Variants in RYR2 observed in about 807,000 individuals in gnomAD.
The protein encoded by RYR2 is ryanodine receptor 2.
RYR2 carries 227 observed loss-of-function variants against 601.1 expected under a neutral mutation model. The ratio of observed to expected loss-of-function variants is 0.38; its 90% confidence interval spans 0.34 to 0.42. RYR2 has a LOEUF of 0.42. Ranked by LOEUF, RYR2 falls within the 10% of genes least tolerant of loss-of-function variation. The pLI, the probability that RYR2 is intolerant of heterozygous loss-of-function variation, is 1.00. For missense variants in RYR2, 4,646 were observed against 6,156.5 expected, an observed-to-expected ratio of 0.75 and a Z score of 8.21; for synonymous variants, 2,223 against 2,175.1, an observed-to-expected ratio of 1.02 and a Z score of -0.61.
At chr1:237,795,488 G>A (rs1381737741) in intron 96 of RYR2, among the ~76,000 whole-genome samples, 157 bp downstream of exon 96, 8 of 150,162 alleles carry the variant, frequency 5.3e-5, no homozygotes, top group East Asian at 2.0e-4. Flanking sequence ...GTCTCACTCC[G>A]TCACCCAGGC....
At chr1:237,530,534 T>G (rs568220458) in intron 25 of RYR2, 24 bp downstream of exon 25, 1 of 1,510,900 alleles carries the variant, frequency 6.6e-7, no homozygotes, top group South Asian at 1.2e-5. Context: ...CTAAGCAATA[T>G]TAAATAATCT....
chr1:237,432,109 T>A (rs867858642), intron 12 of RYR2, among the ~76,000 whole-genome samples: 24 of 151,358 alleles, frequency 1.6e-4, no homozygotes, highest in South Asian at 2.1e-4. Flanking sequence ...CTTTTTTTTT[T>A]ATTCATTTCT....
At chr1:237,148,558 A>ACC (rs1674336018) in intron 1 of RYR2, among the ~76,000 whole-genome samples, 1 of 125,992 alleles carries the variant, frequency 7.9e-6, no homozygotes, top group Non-Finnish European at 1.7e-5. Flanking sequence ...ATATATACAC[A>ACC]CACACATATA....
chr1:237,044,956 CTTT>C (rs4006366), intron 1 of RYR2, among the ~76,000 whole-genome samples: 90 of 144,614 alleles, frequency 6.2e-4, no homozygotes, highest in Non-Finnish European at 7.7e-4. Flanking sequence ...TCTTCTTCTT[CTTT>C]TTTTTTTTTT....
At chr1:237,254,132 C>A (rs1036130570) in intron 1 of RYR2, among the ~76,000 whole-genome samples, 2 of 152,136 alleles carry the variant, frequency 1.3e-5, no homozygotes, top group African/African-American at 4.8e-5. Flanking sequence ...TACCATGCCC[C>A]ATGTTTTTGC....
intron 48 of RYR2, among the ~76,000 whole-genome samples, chr1:237,644,711 C>T (rs1328256446): frequency 2.0e-5 from 3 of 152,012 alleles, no homozygotes; most frequent in African/African-American, 7.2e-5. Flanking sequence ...AAATCATTTA[C>T]ATGAAAGACT....
intron 1 of RYR2, among the ~76,000 whole-genome samples, chr1:237,263,854 C>T (rs1315343312): frequency 6.6e-6 from 1 of 151,964 alleles, no homozygotes; most frequent in African/African-American, 2.4e-5. Context: ...ACAGAACTTG[C>T]ATTCTAGTGG....
intron 53 of RYR2, among the ~76,000 whole-genome samples, chr1:237,657,139 T>G (rs542890287): frequency 6.6e-6 from 1 of 152,284 alleles, no homozygotes; most frequent in Non-Finnish European, 1.5e-5. Flanking sequence ...CAGATACAGG[T>G]TTATGTGGTG....
At chr1:237,813,105 A>G (rs1661425563) in intron 100 of RYR2, among the ~76,000 whole-genome samples, 1 of 152,048 alleles carries the variant, frequency 6.6e-6, no homozygotes, top group African/African-American at 2.4e-5. Flanking sequence ...CTTTAATATC[A>G]GCTGTGCTCA....
chr1:237,482,682 C>T (rs1434147594), intron 17 of RYR2, among the ~76,000 whole-genome samples: 2 of 152,086 alleles, frequency 1.3e-5, no homozygotes, highest in Non-Finnish European at 2.9e-5. Context: ...GATATCTCTT[C>T]GGTATACTGA....
At chr1:237,084,008 T>C (rs1277890283) in intron 1 of RYR2, among the ~76,000 whole-genome samples, 1 of 152,122 alleles carries the variant, frequency 6.6e-6, no homozygotes, top group Non-Finnish European at 1.5e-5. Context: ...GAGTGATTAT[T>C]TTATGACCCA....
chr1:237,563,398 C>A (rs1277686074), intron 27 of RYR2, among the ~76,000 whole-genome samples: 58 of 98,214 alleles, frequency 5.9e-4, no homozygotes, highest in African/African-American at 1.7e-3. Context: ...GCAACAAGAG[C>A]AAAACTCCAT....
intron 1 of RYR2, among the ~76,000 whole-genome samples, chr1:237,191,376 T>G (rs1679950050): frequency 6.6e-6 from 1 of 151,972 alleles, no homozygotes; most frequent in Non-Finnish European, 1.5e-5. Context: ...CAATATTTTT[T>G]GGCTATTTGG....
chr1:237,434,941 A>C (rs1285435976), intron 12 of RYR2, among the ~76,000 whole-genome samples: 1 of 151,972 alleles, frequency 6.6e-6, no homozygotes, highest in East Asian at 1.9e-4. Flanking sequence ...ACACCCAGCA[A>C]ATTTTTGTAG....
In RYR2 at chr1:237,487,338, C is replaced by T. The variant is rs139926382; in HGVS notation, c.1709-4468C>T. Among the ~76,000 whole-genome samples, 29 of 151,984 alleles carry T rather than the reference C, an allele frequency of 1.9e-4. No individual in the cohort carries two copies. In the East Asian group the frequency reaches 5.6e-3, roughly 29 times the overall value. On this transcript the variant is annotated intron_variant, in intron 17 of 104. Transcript: ENST00000366574. ...TCCTTTTTTTATTTAAAAATGGACTCTTTGGTGTTTCTCATTTGTTGTCCT... is the reference window on the plus strand; with the variant it reads ...TCCTTTTTTTATTTAAAAATGGACTTTTTGGTGTTTCTCATTTGTTGTCCT...
At chr1:237,382,499 T>C (rs2149816087) in intron 8 of RYR2, among the ~76,000 whole-genome samples, 1 of 151,432 alleles carries the variant, frequency 6.6e-6, no homozygotes, top group Non-Finnish European at 1.5e-5. Flanking sequence ...TTACATTACG[T>C]ATATCTCCTA....
At chr1:237,655,150 A>G (rs1409404589) in intron 52 of RYR2, among the ~76,000 whole-genome samples, 2 of 152,186 alleles carry the variant, frequency 1.3e-5, no homozygotes, top group Non-Finnish European at 2.9e-5. Flanking sequence ...CCTTTGGTAA[A>G]CTGAGTCCTT....
intron 1 of RYR2, among the ~76,000 whole-genome samples, chr1:237,264,786 C>A (rs950919153): frequency 4.6e-5 from 7 of 151,460 alleles, no homozygotes; most frequent in African/African-American, 1.7e-4. Flanking sequence ...ACCTCCATCT[C>A]CCGGGTTCAA....
intron 1 of RYR2, among the ~76,000 whole-genome samples, chr1:237,075,227 A>G (rs185275570): frequency 1.3e-5 from 2 of 152,226 alleles, no homozygotes; most frequent in East Asian, 3.9e-4. Context: ...TAGAGGGGGA[A>G]AAATATGAGA....
Sources: allele counts gnomAD v4.1 joint callset (sites outside exome capture counted in the v4.1 genomes callset), GRCh38; gene constraint gnomAD v4.1.1; transcripts MANE v1.5; gene names NCBI Gene and HGNC (gene_info 2026-07-23, HGNC 2026-07-21).